TSPAN13: variants seen among roughly 807,000 people sequenced by gnomAD.
The protein encoded by TSPAN13 is tetraspanin 13.
Under a neutral mutation model 26.9 loss-of-function variants are expected in TSPAN13, and 18 were observed. The observed-to-expected ratio is 0.67, with a 90% CI of 0.46 to 0.99. The LOEUF (loss-of-function observed/expected upper bound fraction) is 0.99. Among genes scored for constraint, TSPAN13 ranks in the 50% least tolerant of loss-of-function variants. The pLI is 0.00. For missense variants in TSPAN13, 201 were observed against 249.6 expected (o/e 0.81, Z 1.31); for synonymous variants, 116 against 98.4 (o/e 1.18, Z -1.06).
chr7:16,770,195 TTTA>T (rs1470302793), intron 1 of TSPAN13, among the ~76,000 whole-genome samples: 1 of 151,036 alleles, frequency 6.6e-6, no homozygotes, highest in African/African-American at 2.4e-5. Flanking sequence ...TATTTTTTAT[TTTA>T]TTATTTTATT....
intron 1 of TSPAN13, among the ~76,000 whole-genome samples, chr7:16,759,695 CTTTCTTTTTT>C (rs200994453): frequency 0.02 from 2,767 of 139,502 alleles, 81 homozygotes; most frequent in African/African-American, 0.069. Flanking sequence ...TCTTTTCTTT[CTTTCTTTTTT>C]TTTTTTTTTT....
intron 5 of TSPAN13, among the ~76,000 whole-genome samples, chr7:16,783,206 G>C (rs373877424): frequency 2.4e-4 from 36 of 152,062 alleles, no homozygotes; most frequent in African/African-American, 6.8e-4. Context: ...TTCAGGGCCA[G>C]TCATTCAGTT....
At chr7:16,758,903 C>T (rs1253476462) in intron 1 of TSPAN13, among the ~76,000 whole-genome samples, 2 of 151,884 alleles carry the variant, frequency 1.3e-5, no homozygotes, top group Non-Finnish European at 2.9e-5. Flanking sequence ...TGAGATGTGC[C>T]CAAGTTATTT....
chr7:16,778,946 A>T (rs1038691954), intron 4 of TSPAN13, 57 bp from the exon 5 acceptor site: 1 of 1,358,196 alleles, frequency 7.4e-7, no homozygotes. Flanking sequence ...TGCAGTTTTT[A>T]TGGGCTTTTT....
In TSPAN13 at chr7:16,783,523, A is replaced by G; in HGVS notation, c.*32A>G. 6.3e-7 allele frequency: 1 copy of G among 1,594,820 alleles called. No individual in the cohort carries two copies. The highest frequency in any genetic ancestry group is 8.6e-7 in the Non-Finnish European group (1 of 1,162,884). On this transcript the variant is annotated 3_prime_UTR_variant, in exon 6 of 6. Transcript: ENST00000262067. ...AACAAGGAAGATTTCCTTTCGTATT[A>G]TGATCTTGTTCACTTTCTGTAATTT...
chr7:16,782,316 T>C (rs960040041), intron 5 of TSPAN13, among the ~76,000 whole-genome samples: 4 of 152,072 alleles, frequency 2.6e-5, no homozygotes, highest in South Asian at 2.1e-4. Context: ...TGGATTCTTA[T>C]TGTGGTCAGT....
At chr7:16,755,122 T>C (rs986057161) in intron 1 of TSPAN13, among the ~76,000 whole-genome samples, 13 of 152,140 alleles carry the variant, frequency 8.5e-5, no homozygotes, top group Admixed American at 3.3e-4. Context: ...TCTATAAATA[T>C]ACCTGGCGCT....
chr7:16,781,791 G>A (rs946473219), intron 5 of TSPAN13, among the ~76,000 whole-genome samples: 6 of 152,198 alleles, frequency 3.9e-5, no homozygotes, highest in Admixed American at 2.0e-4. Context: ...AAGGTGGGGA[G>A]CTTTGGCAAG....
Position 16,753,992 on chromosome 7 carries a change from T to G in TSPAN13, c.25T>G (p.Ser9Ala), listed in dbSNP as rs752003232. The G allele has an allele frequency of 1.9e-6, 3 of 1,613,704 alleles. No homozygotes were observed. Among genetic ancestry groups the G allele is most frequent in the South Asian group, 1.1e-5 (1 of 90,954 alleles). Residue 9 changes from serine to alanine, a missense_variant, in exon 1 of 6, where the codon TCC becomes GCC. By Grantham distance (99) the Ser-to-Ala change is moderately conservative. Coordinates refer to ENST00000262067, the MANE Select transcript of TSPAN13 (RefSeq NM_014399.4). MVCGGFAC[S>A]KNCLCALNLL... ...GATGGTTTGCGGGGGCTTCGCGTGT[T>G]CCAAGAACTGCCTGTGCGCCCTCAA...
chr7:16,761,621 G>A (rs555611003), intron 1 of TSPAN13, among the ~76,000 whole-genome samples: 1 of 151,606 alleles, frequency 6.6e-6, no homozygotes, highest in Non-Finnish European at 1.5e-5. Context: ...GGGCCCAAGC[G>A]ATCCTCTCAC....
chr7:16,779,923 C>T (rs1784796020), intron 5 of TSPAN13, among the ~76,000 whole-genome samples: 1 of 151,912 alleles, frequency 6.6e-6, no homozygotes. Context: ...AGGCGCCCGC[C>T]ACCACGCCCA....
Position 16,784,307 on chromosome 7 carries a change from A to G in TSPAN13, c.*816A>G, listed in dbSNP as rs1429985491. On this transcript the variant is annotated 3_prime_UTR_variant, in exon 6 of 6. Coordinates refer to ENST00000262067, the MANE Select transcript of TSPAN13 (RefSeq NM_014399.4). ...TAATGCGTTGGCCCACGTAGCAAAA[A>G]GATATTTGATTATCTTAAAAATTGT... 1 of 152,234 alleles carries G rather than the reference A, an allele frequency of 6.6e-6. No individual in the cohort carries two copies. The highest frequency in any genetic ancestry group is 1.5e-5 in the Non-Finnish European group (1 of 68,018). The allele number at this position is 152,234 out of a possible 1,614,324, so 9.4% of individuals were successfully genotyped here.
rs1380820608 is a variant in TSPAN13, at chr7:16,779,089, C to T, written c.513C>T (p.Gly171=). The change falls in exon 5 of 6, where the codon GGC becomes GGT. Residue 171 remains glycine, a synonymous_variant. Transcript: ENST00000262067. The stretch of plus-strand genomic sequence containing the variant: ...GAGAGGTTTTGAGATTTGTTGGTGG[C>T]ATTGGCCTGTTCTTCAGTTTTACAG... The part of the protein sequence containing the change: ...YAGEVLRFVG[G]IGLFFSFTEI... The T allele has an allele frequency of 6.2e-7, 1 of 1,613,792 alleles. No homozygotes were observed. The highest frequency in any genetic ancestry group is 1.1e-5 in the South Asian group (1 of 91,004).
At chr7:16,772,359 C>T (rs140605025) in intron 1 of TSPAN13, among the ~76,000 whole-genome samples, 1 of 152,190 alleles carries the variant, frequency 6.6e-6, no homozygotes, top group Non-Finnish European at 1.5e-5. Flanking sequence ...CAAATTACCA[C>T]GAACATGGTG....
chr7:16,783,826 C>T lies in TSPAN13; in HGVS notation c.*335C>T, dbSNP rs942682888. ...GTGTTGGTTATATGGTGAATCTGAACGTACATCTCACTGGTATAATTATAT... is the reference window on the plus strand; with the variant it reads ...GTGTTGGTTATATGGTGAATCTGAATGTACATCTCACTGGTATAATTATAT... On this transcript the variant is annotated 3_prime_UTR_variant, in exon 6 of 6. Coordinates refer to ENST00000262067, the MANE Select transcript of TSPAN13 (RefSeq NM_014399.4). The T allele has an allele frequency of 3.2e-5, 9 of 278,684 alleles. No homozygotes were observed. Among genetic ancestry groups the T allele is most frequent in the African/African-American group, 8.6e-5 (4 of 46,708 alleles). 17.3% of individuals were successfully genotyped at this position (278,684 alleles called of 1,614,324 possible). A position where few individuals can be genotyped will look rare whatever the true frequency, so the allele number is the denominator to read the frequency against.
chr7:16,757,042 T>C (rs1017685728), intron 1 of TSPAN13, among the ~76,000 whole-genome samples: 3 of 152,176 alleles, frequency 2.0e-5, no homozygotes, highest in Non-Finnish European at 4.4e-5. Flanking sequence ...AAATAATAAA[T>C]ACCTATAAAG....
chr7:16,776,092 A>G, intron 1 of TSPAN13, 119 bp from the exon 2 acceptor site: 1 of 894,284 alleles, frequency 1.1e-6, no homozygotes, highest in Non-Finnish European at 1.7e-6. Flanking sequence ...TTTAGTGCTT[A>G]TTTGTAAGAG....
rs3823651 is a variant in TSPAN13, at chr7:16,765,451, C to A, written c.64-10760C>A. Among the ~76,000 whole-genome samples the A allele has an allele frequency of 5.7e-3, 864 of 152,238 alleles. 30 individuals are homozygous for A. The highest frequency in any genetic ancestry group is 0.039 in the East Asian group (201 of 5,174). On this transcript the variant is annotated intron_variant, in intron 1 of 5. Coordinates refer to ENST00000262067, the MANE Select transcript of TSPAN13 (RefSeq NM_014399.4). ...TTGCAGTAGCACCTTCCTGTTTATT[C>A]CCCCTTCAGTAGACTCTACTCATGT...
At position 16,783,964 on chromosome 7, in the gene TSPAN13, T is replaced by G. The variant is rs1424470631; in HGVS notation, c.*473T>G. On this transcript the variant is annotated 3_prime_UTR_variant, in exon 6 of 6. Coordinates refer to ENST00000262067, the MANE Select transcript of TSPAN13 (RefSeq NM_014399.4). ...GGAAATCCAAATTCCCAATTTTTTT[T>G]GGTCTTTTTAGGAAAGATTGTTGTG... 1 of 105,790 alleles carries G rather than the reference T, an allele frequency of 9.5e-6. No homozygotes were observed. The highest frequency in any genetic ancestry group is 2.8e-4 in the East Asian group (1 of 3,628). The allele number at this position is 105,790 out of a possible 1,614,324, so 6.6% of individuals were successfully genotyped here.
Sources: allele counts gnomAD v4.1 joint callset (sites outside exome capture counted in the v4.1 genomes callset), GRCh38; gene constraint gnomAD v4.1.1; transcripts MANE v1.5; gene names NCBI Gene and HGNC (gene_info 2026-07-23, HGNC 2026-07-21).